Variants in EZH2 observed in about 807,000 individuals in gnomAD.
The protein encoded by EZH2 is histone-lysine N-methyltransferase EZH2.
In EZH2, 18 loss-of-function variants were observed where a neutral mutation model predicts 98.4. That is an observed-to-expected ratio of 0.18 (90% CI 0.13 to 0.27). The LOEUF (loss-of-function observed/expected upper bound fraction) is 0.27, where lower values mean the gene tolerates loss of function less well. Among genes scored for constraint, EZH2 ranks in the 10% least tolerant of loss-of-function variants. The pLI is 1.00. For missense variants in EZH2, 470 were observed against 935.1 expected, an observed-to-expected ratio of 0.50 and a Z score of 6.49; for synonymous variants, 338 against 312.3, an observed-to-expected ratio of 1.08 and a Z score of -0.87.
At position 148,828,829 on chromosome 7, in the gene EZH2, C is replaced by G. The variant is rs2129476461; in HGVS notation, c.536G>C (p.Gly179Ala). The G allele has an allele frequency of 6.2e-7, 1 of 1,613,356 alleles. No homozygotes were observed. The highest frequency in any genetic ancestry group is 1.3e-5 in the African/African-American group (1 of 74,880). ...EIFVELVNAL[G>A]QYNDDDDDDD... ...ATCATCGTCATCATCATTATATTGACCAAGGGCATTCACCAACTCCACAAA... is the reference window on the plus strand; with the variant it reads ...ATCATCGTCATCATCATTATATTGAGCAAGGGCATTCACCAACTCCACAAA... The change falls in exon 6 of 20, where the codon GGT (glycine) becomes GCT (alanine). Residue 179 changes from glycine (G) to alanine (A), a missense_variant. Transcript: ENST00000320356.
intron 1 of EZH2, among the ~76,000 whole-genome samples, chr7:148,859,604 T>C (rs2129487967): frequency 6.6e-6 from 1 of 152,156 alleles, no homozygotes; most frequent in African/African-American, 2.4e-5. Flanking sequence ...GGTAAGTGAG[T>C]TAAGGCAAGG....
chr7:148,822,244 TCA>T (rs957433563), intron 8 of EZH2, among the ~76,000 whole-genome samples: 3 of 152,234 alleles, frequency 2.0e-5, no homozygotes, highest in African/African-American at 7.2e-5. Flanking sequence ...GTGCAGTGGC[TCA>T]CACCTGTAAT....
chr7:148,807,524 T>G lies in EZH2; in HGVS notation c.*122A>C. ...TTAAACTCATTACTATAAATTATTC[T>G]TACAGTACTTTGCAAATTCAGAATT... On this transcript the variant is annotated 3_prime_UTR_variant, in exon 20 of 20. Coordinates refer to ENST00000320356, the MANE Select transcript of EZH2 (RefSeq NM_004456.5). The G allele has an allele frequency of 2.5e-6, 2 of 792,912 alleles. No homozygotes were observed. Among genetic ancestry groups the G allele is most frequent in the Non-Finnish European group, 4.2e-6 (2 of 471,526 alleles). The allele number at this position is 792,912 out of a possible 1,614,324, so 49.1% of individuals were successfully genotyped here.
At chr7:148,830,785 G>C (rs947677148) in intron 4 of EZH2, among the ~76,000 whole-genome samples, 2 of 152,016 alleles carry the variant, frequency 1.3e-5, no homozygotes, top group African/African-American at 4.8e-5. Flanking sequence ...AAGCATACAA[G>C]GTAAAGAAAG....
At chr7:148,876,926 T>C (rs1188847395) in intron 1 of EZH2, among the ~76,000 whole-genome samples, 1 of 152,172 alleles carries the variant, frequency 6.6e-6, no homozygotes, top group Non-Finnish European at 1.5e-5. Flanking sequence ...GAAGCTAACG[T>C]ACCCAAATTA....
chr7:148,852,200 T>C (rs751410416), intron 1 of EZH2, among the ~76,000 whole-genome samples: 32 of 152,358 alleles, frequency 2.1e-4, no homozygotes, highest in Non-Finnish European at 4.4e-4. Context: ...CAGAATGTAG[T>C]GACACCTCAC....
At chr7:148,855,229 G>A (rs1816617778) in intron 1 of EZH2, among the ~76,000 whole-genome samples, 2 of 152,258 alleles carry the variant, frequency 1.3e-5, no homozygotes, top group East Asian at 3.8e-4. Flanking sequence ...GTGCTGTCAT[G>A]ATTAATAATG....
chr7:148,821,497 A>AT (rs1040832856), intron 8 of EZH2, among the ~76,000 whole-genome samples: 3 of 152,044 alleles, frequency 2.0e-5, no homozygotes, highest in East Asian at 3.8e-4. Context: ...CATACCACTA[A>AT]TTTTTTTTAA....
At chr7:148,860,989 T>A (rs1396452923) in intron 1 of EZH2, among the ~76,000 whole-genome samples, 2 of 151,998 alleles carry the variant, frequency 1.3e-5, no homozygotes, top group African/African-American at 4.8e-5. Flanking sequence ...TTATTTTTAT[T>A]AAAAACTGTT....
intron 1 of EZH2, chr7:148,850,424 T>C (rs1489266664): frequency 3.3e-6 from 3 of 910,976 alleles, no homozygotes; most frequent in African/African-American, 1.8e-5. Flanking sequence ...TGGAAGACTT[T>C]CCATGCTGTT....
intron 1 of EZH2, among the ~76,000 whole-genome samples, chr7:148,881,968 GCGCGCACACA>G (rs757216992): frequency 0.036 from 3,330 of 93,688 alleles, 38 homozygotes; most frequent in South Asian, 0.072. Flanking sequence ...ACACACACGC[GCGCGCACACA>G]CACACACACA....
intron 4 of EZH2, among the ~76,000 whole-genome samples, chr7:148,830,229 C>G (rs1808961781): frequency 6.6e-6 from 1 of 152,204 alleles, no homozygotes; most frequent in African/African-American, 2.4e-5. Context: ...CTATGCTGCC[C>G]AGGCTGGTCT....
chr7:148,833,456 C>CA (rs770977896), intron 3 of EZH2, among the ~76,000 whole-genome samples: 59 of 77,380 alleles, frequency 7.6e-4, no homozygotes, highest in Middle Eastern at 7.2e-3. Flanking sequence ...AACTCCGTCT[C>CA]AAAAAAAAAA....
At chr7:148,811,780 A>G in intron 15 of EZH2, 60 bp from the exon 16 acceptor site, 1 of 1,399,508 alleles carries the variant, frequency 7.1e-7, no homozygotes, top group Non-Finnish European at 1.0e-6. Context: ...ACTGGGGACA[A>G]AGTAGACTAC....
chr7:148,881,699 G>A (rs1358197230), intron 1 of EZH2, among the ~76,000 whole-genome samples: 3 of 151,932 alleles, frequency 2.0e-5, no homozygotes, highest in Non-Finnish European at 2.9e-5. Flanking sequence ...TTTGGGAGGC[G>A]GAGGCGGGTA....
Position 148,811,736 on chromosome 7 carries a change from C to G in EZH2, c.1852-16G>C. ...GCAATAGATGCTAGAGAATAAAACACAATCACATCATCAAAAAAGGAGGGT... is the reference window on the plus strand; with the variant it reads ...GCAATAGATGCTAGAGAATAAAACAGAATCACATCATCAAAAAAGGAGGGT... On this transcript the variant is annotated splice_polypyrimidine_tract_variant and intron_variant, in intron 15 of 19. Coordinates refer to ENST00000320356, the MANE Select transcript of EZH2 (RefSeq NM_004456.5). 6.2e-7 allele frequency: 1 copy of G among 1,603,688 alleles called. No individual in the cohort carries two copies. The highest frequency in any genetic ancestry group is 2.2e-5 in the East Asian group (1 of 44,808).
At chr7:148,816,863 C>CT in intron 11 of EZH2, 85 bp from the exon 12 acceptor site, 6 of 962,924 alleles carry the variant, frequency 6.2e-6, no homozygotes, top group Non-Finnish European at 1.7e-6. Context: ...AGAAAAATGT[C>CT]TTTGTCTCTT....
At chr7:148,866,290 A>G (rs1177331285) in intron 1 of EZH2, among the ~76,000 whole-genome samples, 1 of 152,034 alleles carries the variant, frequency 6.6e-6, no homozygotes, top group African/African-American at 2.4e-5. Context: ...TCCATGTAAC[A>G]GTATTAAGAG....
chr7:148,882,779 G>A (rs145454661), intron 1 of EZH2, among the ~76,000 whole-genome samples: 2 of 152,258 alleles, frequency 1.3e-5, no homozygotes, highest in East Asian at 3.9e-4. Flanking sequence ...TAAAAAGCAA[G>A]CCTTTAAGTA....
Sources: gnomAD v4.1 joint callset for allele counts (sites outside exome capture counted in the v4.1 genomes callset) on GRCh38, gnomAD v4.1.1 for gene constraint, MANE v1.5 for transcripts, NCBI Gene and HGNC (gene_info 2026-07-23, HGNC 2026-07-21) for gene names.